The following ADGRE1 variants were observed in gnomAD, a reference collection of about 807,000 sequenced individuals.
ADGRE1 encodes adhesion G protein-coupled receptor E1.
In ADGRE1, 82 loss-of-function variants were observed where a neutral mutation model predicts 102.7. The ratio of observed to expected loss-of-function variants is 0.80; its 90% CI spans 0.67 to 0.96. The LOEUF is 0.96. Among genes scored for constraint, ADGRE1 ranks in the 40% least tolerant of loss-of-function variants. ADGRE1 has a pLI of 0.00. For synonymous variants in ADGRE1, 398 were observed against 399.6 expected, an observed-to-expected ratio of 1.00 and a Z score of 0.05; for missense variants, 1,032 against 1,085.3, an observed-to-expected ratio of 0.95 and a Z score of 0.69.
At chr19:6,908,302 C>G (rs776258932) in intron 9 of ADGRE1, among the ~76,000 whole-genome samples, 1 of 152,168 alleles carries the variant, frequency 6.6e-6, no homozygotes, top group African/African-American at 2.4e-5. Flanking sequence ...TTAATAAATA[C>G]GTGGGTAAAC....
At chr19:6,904,527 CTTTT>C (rs561401517) in intron 8 of ADGRE1, among the ~76,000 whole-genome samples, 6 of 134,788 alleles carry the variant, frequency 4.5e-5, no homozygotes, top group Non-Finnish European at 8.1e-5. Context: ...AAAAAGTGTG[CTTTT>C]TTTTTTTTTT....
In ADGRE1 at chr19:6,908,754, G is replaced by C. The variant is rs141178599; in HGVS notation, c.1104G>C (p.Thr368=). The C allele has an allele frequency of 6.2e-7, 1 of 1,609,210 alleles. No homozygotes were observed. Among genetic ancestry groups the C allele is most frequent in the Non-Finnish European group, 8.5e-7 (1 of 1,178,764 alleles). ...SVLDKVCENK[T]TVVSLKNTTE... ...TGGACAAAGTGTGTGAAAATAAAAC[G>C]ACCGTAGTTTCTCTGAAGGTAACGA... is the stretch of plus-strand genomic sequence containing the variant. The change falls in exon 10 of 21, where the codon ACG becomes ACC. Residue 368 remains threonine, a synonymous_variant. Coordinates refer to ENST00000312053, the MANE Select transcript of ADGRE1 (RefSeq NM_001974.5).
rs143538164 is a variant in ADGRE1, at chr19:6,916,390, T to G, written c.1420+22T>G. 3.2e-4 allele frequency: 513 copies of G among 1,607,818 alleles called. 2 individuals are homozygous for G. The African/African-American group carries it at 5.6e-3, about 18-fold the overall frequency. ...ACAGGTACAGGTCCTCTCCTGAGAA[T>G]GCAGGTTATGGTGTATTCCATCAAT... On this transcript the variant is annotated intron_variant, in intron 12 of 20. Transcript: ENST00000312053.
Position 6,921,901 on chromosome 19 carries a change from G to T in ADGRE1, c.1791+18G>T, listed in dbSNP as rs375014474. 2.4e-5 allele frequency: 38 copies of T among 1,587,312 alleles called. No homozygotes were observed. The African/African-American group carries it at 2.7e-4, about 11-fold the overall frequency. On this transcript the variant is annotated intron_variant, in intron 14 of 20. Coordinates refer to ENST00000312053, the MANE Select transcript of ADGRE1 (RefSeq NM_001974.5). Reference sequence around the variant, plus strand: ...AGCTCACGGTCAGTACTGATGATTTGTTCCCTGAGGCAGAGTATCTGCCTC... The same window carrying T: ...AGCTCACGGTCAGTACTGATGATTTTTTCCCTGAGGCAGAGTATCTGCCTC...
intron 6 of ADGRE1, 80 bp downstream of exon 6, chr19:6,902,101 G>A: frequency 6.4e-7 from 1 of 1,552,838 alleles, no homozygotes; most frequent in Non-Finnish European, 8.8e-7. Context: ...GTGGGTCTTG[G>A]TTGAGTTTGA....
intron 18 of ADGRE1, among the ~76,000 whole-genome samples, chr19:6,936,978 G>C (rs1291475365): frequency 6.6e-6 from 1 of 152,092 alleles, no homozygotes; most frequent in African/African-American, 2.4e-5. Flanking sequence ...GGCTGGTCTC[G>C]AACTTCTGTC....
rs754959040 is a variant in ADGRE1 at position 6,921,887 on chromosome 19, A to G, written c.1791+4A>G. The G allele has an allele frequency of 1.9e-6, 3 of 1,595,966 alleles. No homozygotes were observed. Among genetic ancestry groups the G allele is most frequent in the Non-Finnish European group, 2.6e-6 (3 of 1,170,446 alleles). ...CATGGCGTCTGGGGAGCTCACGGTC[A>G]GTACTGATGATTTGTTCCCTGAGGC... On this transcript the variant is annotated splice_donor_region_variant and intron_variant, in intron 14 of 20. Transcript: ENST00000312053.
chr19:6,909,347 C>T (rs1293520889), intron 10 of ADGRE1, among the ~76,000 whole-genome samples: 3 of 152,036 alleles, frequency 2.0e-5, no homozygotes, highest in Non-Finnish European at 2.9e-5. Context: ...CCAAACATTC[C>T]CTTGGGCTTC....
intron 6 of ADGRE1, 99 bp downstream of exon 6, chr19:6,902,120 T>C: frequency 6.9e-7 from 1 of 1,438,968 alleles, no homozygotes; most frequent in South Asian, 1.3e-5. Flanking sequence ...GAGACTTTCA[T>C]CTGCAAATCT....
chr19:6,937,442 C>T, intron 19 of ADGRE1, 31 bp downstream of exon 19: 2 of 1,554,868 alleles, frequency 1.3e-6, no homozygotes, highest in Non-Finnish European at 1.8e-6. Context: ...CCATCCCCCT[C>T]CTCCCATCCC....
chr19:6,908,879 A>G (rs1438219488), intron 10 of ADGRE1, 107 bp downstream of exon 10: 6 of 1,000,062 alleles, frequency 6.0e-6, no homozygotes, highest in Non-Finnish European at 8.8e-6. Flanking sequence ...CACACCCATA[A>G]TCCCAGCACT....
chr19:6,890,447 TGGTTCA>T, intron 1 of ADGRE1, 28 bp from the exon 2 acceptor site: 3 of 896,028 alleles, frequency 3.3e-6, no homozygotes, highest in South Asian at 2.2e-5. Context: ...TTTTTTTTGG[TGGTTCA>T]TGGTGTTTTT....
Position 6,903,931 on chromosome 19 carries a change from C to A in ADGRE1, c.783C>A (p.Asp261Glu). The A allele has an allele frequency of 6.2e-7, 1 of 1,614,178 alleles. No homozygotes were observed. Among genetic ancestry groups the A allele is most frequent in the South Asian group, 1.1e-5 (1 of 91,086 alleles). ...GCAATGGACAGTTGAATTTCACAGA[C>A]CAAGGAGTGGAATGTAGAGGTGAGC... ...APSNGQLNFT[D>E]QGVECRDIDE... The change falls in exon 7 of 21, where the codon GAC becomes GAA. Residue 261 changes from aspartate (D) to glutamate (E), a missense_variant. By Grantham distance (45) the Asp-to-Glu change is conservative (BLOSUM62 2). Coordinates refer to ENST00000312053, the MANE Select transcript of ADGRE1 (RefSeq NM_001974.5).
At chr19:6,916,626 A>G (rs1052818342) in intron 12 of ADGRE1, among the ~76,000 whole-genome samples, 1 of 152,154 alleles carries the variant, frequency 6.6e-6, no homozygotes, top group African/African-American at 2.4e-5. Flanking sequence ...TGAAATTTGT[A>G]TAAGCCAGGT....
In ADGRE1 at chr19:6,918,182, G is replaced by A. The variant is rs561817064; in HGVS notation, c.1421-1366G>A. ...GAGCCAGGCATGGTGGCTCACGCCT[G>A]TAATCCCAGCACTTTGGGAGGCCAA... is the stretch of plus-strand genomic sequence containing the variant. On this transcript the variant is annotated intron_variant, in intron 12 of 20. Coordinates refer to ENST00000312053, the MANE Select transcript of ADGRE1 (RefSeq NM_001974.5). Among the ~76,000 whole-genome samples the A allele has an allele frequency of 1.7e-4, 26 of 152,324 alleles. 1 individual carries two copies. The East Asian group carries it at 5.0e-3, about 29-fold the overall frequency.
chr19:6,891,836 G>A (rs1263166008), intron 2 of ADGRE1, among the ~76,000 whole-genome samples: 1 of 152,100 alleles, frequency 6.6e-6, no homozygotes, highest in Non-Finnish European at 1.5e-5. Flanking sequence ...CTTAAAGGAT[G>A]GATGAATTGA....
intron 15 of ADGRE1, among the ~76,000 whole-genome samples, chr19:6,925,266 A>G (rs1047866516): frequency 2.6e-5 from 4 of 152,166 alleles, no homozygotes; most frequent in Admixed American, 1.3e-4. Flanking sequence ...GAATACAGGC[A>G]TGAGACACTA....
At chr19:6,903,690 T>G in intron 6 of ADGRE1, 120 bp from the exon 7 acceptor site, 1 of 1,306,276 alleles carries the variant, frequency 7.7e-7, no homozygotes, top group Non-Finnish European at 1.1e-6. Flanking sequence ...TTCTAGGAAA[T>G]GTAGTCCCTG....
At chr19:6,919,253 G>A (rs1974526495) in intron 12 of ADGRE1, among the ~76,000 whole-genome samples, 1 of 151,348 alleles carries the variant, frequency 6.6e-6, no homozygotes, top group East Asian at 2.0e-4. Flanking sequence ...GGATGGTCTC[G>A]ATCTCCTGAC....
Sources: allele counts gnomAD v4.1 joint callset (sites outside exome capture counted in the v4.1 genomes callset), GRCh38; gene constraint gnomAD v4.1.1; transcripts MANE v1.5; gene names NCBI Gene and HGNC (gene_info 2026-07-23, HGNC 2026-07-21).